Variants in ACADL observed in about 807,000 individuals in gnomAD.
ACADL encodes long-chain specific acyl-CoA dehydrogenase, mitochondrial.
A neutral mutation model predicts 56.9 loss-of-function variants in ACADL; 60 were observed. That is an observed-to-expected ratio of 1.05 (90% confidence interval 0.86 to 1.31). The LOEUF is 1.31. Ranked by LOEUF, ACADL falls within the 50% of genes most tolerant of loss-of-function variation. The probability of loss-of-function intolerance (pLI) is 0.00; values close to 1 mark genes in which losing one functional copy is unlikely to be tolerated. For missense variants in ACADL, 484 were observed against 525.5 expected, an observed-to-expected ratio of 0.92 and a Z score of 0.77; for synonymous variants, 158 against 179.7, an observed-to-expected ratio of 0.88 and a Z score of 0.97.
At chr2:210,192,983 T>A (rs1024606423) in intron 9 of ACADL, 93 bp from the exon 10 acceptor site, 9 of 935,450 alleles carry the variant, frequency 9.6e-6, no homozygotes, top group Non-Finnish European at 1.5e-5. Flanking sequence ...TTACAATTGT[T>A]TAAATGTGCA....
chr2:210,194,878 C>T (rs1434854850), intron 9 of ACADL, among the ~76,000 whole-genome samples: 1 of 152,144 alleles, frequency 6.6e-6, no homozygotes, highest in Non-Finnish European at 1.5e-5. Context: ...TGAAATTAAA[C>T]TATTACTTGA....
intron 8 of ACADL, among the ~76,000 whole-genome samples, chr2:210,200,850 A>T (rs1410279332): frequency 6.6e-6 from 1 of 152,204 alleles, no homozygotes; most frequent in African/African-American, 2.4e-5. Flanking sequence ...GGAGCAAGGC[A>T]TTATGTAAGG....
At chr2:210,199,384 G>A (rs528300772) in intron 8 of ACADL, among the ~76,000 whole-genome samples, 2 of 152,134 alleles carry the variant, frequency 1.3e-5, no homozygotes, top group East Asian at 3.9e-4. Flanking sequence ...TGAAAGTTTA[G>A]GGAACTAACT....
rs775016696 is a variant in ACADL, at chr2:210,189,058, G to A, written c.1200-4C>T. The A allele has an allele frequency of 6.3e-6, 10 of 1,589,086 alleles. No homozygotes were observed. The highest frequency in any genetic ancestry group is 8.6e-6 in the Non-Finnish European group (10 of 1,157,574). ...AACTCTGGCATCCACATAAGCTCTG[G>A]ATAAATCAGATGATTGAATGAATAA... On this transcript the variant is annotated splice_polypyrimidine_tract_variant and splice_region_variant and intron_variant, in intron 10 of 10. Coordinates refer to ENST00000233710, the MANE Select transcript of ACADL (RefSeq NM_001608.4).
At chr2:210,196,881 C>T (rs548022768) in intron 8 of ACADL, among the ~76,000 whole-genome samples, 1 of 152,316 alleles carries the variant, frequency 6.6e-6, no homozygotes, top group Non-Finnish European at 1.5e-5. Context: ...CTAGGTACTA[C>T]CAAGTCCAAA....
intron 1 of ACADL, chr2:210,224,574 T>G: frequency 1.0e-6 from 1 of 985,454 alleles, no homozygotes; most frequent in African/African-American, 1.7e-5. Context: ...AGACTCTGTC[T>G]TCATTAATCC....
At chr2:210,207,070 G>A in intron 5 of ACADL, among the ~76,000 whole-genome samples, 1 of 152,054 alleles carries the variant, frequency 6.6e-6, no homozygotes, top group East Asian at 1.9e-4. Flanking sequence ...ATTCAATTCA[G>A]CATCTAGTTT....
chr2:210,192,800 T>C lies in ACADL; in HGVS notation c.1199+4A>G. 1 of 1,608,156 alleles carries C rather than the reference T, an allele frequency of 6.2e-7. No individual in the cohort carries two copies. Among genetic ancestry groups the C allele is most frequent in the Admixed American group, 1.7e-5 (1 of 60,008 alleles). ...AGAAGAGTGTATCAGAAAACTATAC[T>C]TACTTTGCAATTGGGTACTCCCACA... is the stretch of plus-strand genomic sequence containing the variant. On this transcript the variant is annotated splice_donor_region_variant and intron_variant, in intron 10 of 10. Transcript: ENST00000233710.
chr2:210,201,280 C>T (rs1270904265), intron 8 of ACADL, among the ~76,000 whole-genome samples: 1 of 152,150 alleles, frequency 6.6e-6, no homozygotes, highest in African/African-American at 2.4e-5. Context: ...CTGCCCTACT[C>T]AATCTACAAT....
At chr2:210,222,153 A>T (rs903511271) in intron 1 of ACADL, among the ~76,000 whole-genome samples, 1 of 152,164 alleles carries the variant, frequency 6.6e-6, no homozygotes, top group Non-Finnish European at 1.5e-5. Context: ...GTAACTTGGG[A>T]TACAATAACG....
intron 8 of ACADL, among the ~76,000 whole-genome samples, chr2:210,200,317 A>G (rs185217288): frequency 7.2e-4 from 109 of 152,268 alleles, no homozygotes; most frequent in African/African-American, 2.5e-3. Flanking sequence ...GTTTTTCTCA[A>G]TGGGAAATTA....
intron 3 of ACADL, chr2:210,216,740 A>G (rs1437754164): frequency 2.1e-6 from 1 of 478,196 alleles, no homozygotes; most frequent in African/African-American, 2.0e-5. Flanking sequence ...TATTTAATTG[A>G]GAGATAAAAT....
chr2:210,193,762 C>G (rs1360801434), intron 9 of ACADL, among the ~76,000 whole-genome samples: 1 of 151,954 alleles, frequency 6.6e-6, no homozygotes, highest in Admixed American at 6.6e-5. Context: ...GTCTTGAACT[C>G]CAGGGCTCAA....
rs759975624 is a variant in ACADL at position 210,203,347 on chromosome 2, G to GT, written c.967dup (p.Thr323AsnfsTer11). ...CAAGCTTACCTGTAGGTGAGCAACT[G>GT]TTTTGCCAAAAGCTTTTCTTTGTTT... is the stretch of plus-strand genomic sequence containing the variant. On this transcript the variant is annotated frameshift_variant, in exon 8 of 11. Coordinates refer to ENST00000233710, the MANE Select transcript of ACADL (RefSeq NM_001608.4). LOFTEE classifies it high-confidence loss of function. The GT allele has an allele frequency of 1.2e-6, 2 of 1,612,756 alleles. No homozygotes were observed. Among genetic ancestry groups the GT allele is most frequent in the African/African-American group, 2.7e-5 (2 of 74,900 alleles).
At chr2:210,210,330 T>C in intron 4 of ACADL, 68 bp from the exon 5 acceptor site, 1 of 1,190,126 alleles carries the variant, frequency 8.4e-7, no homozygotes, top group Non-Finnish European at 1.2e-6. Flanking sequence ...ATGATATAAG[T>C]ATGTATGTAA....
intron 5 of ACADL, among the ~76,000 whole-genome samples, chr2:210,207,351 G>A (rs1688902529): frequency 6.6e-6 from 1 of 152,100 alleles, no homozygotes; most frequent in African/African-American, 2.4e-5. Context: ...ACTGGCACTA[G>A]CTTACCTCTC....
chr2:210,204,061 T>C (rs563184824), intron 7 of ACADL, among the ~76,000 whole-genome samples: 74 of 152,314 alleles, frequency 4.9e-4, no homozygotes, highest in East Asian at 1.7e-3. Context: ...CTGGTGTTTT[T>C]CATGGCAGTC....
At chr2:210,210,120 A>C (rs962725815) in intron 5 of ACADL, 76 bp downstream of exon 5, 12 of 1,102,464 alleles carry the variant, frequency 1.1e-5, no homozygotes, top group Admixed American at 1.0e-4. Context: ...AATAGAATTA[A>C]TGAGTTGTCT....
At chr2:210,212,025 G>A (rs1403807082) in intron 4 of ACADL, among the ~76,000 whole-genome samples, 1 of 151,884 alleles carries the variant, frequency 6.6e-6, no homozygotes, top group African/African-American at 2.4e-5. Flanking sequence ...TAGAGACATG[G>A]TTTCACCATG....
Sources: allele counts gnomAD v4.1 joint callset (sites outside exome capture counted in the v4.1 genomes callset), GRCh38; gene constraint gnomAD v4.1.1; transcripts MANE v1.5; gene names NCBI Gene and HGNC (gene_info 2026-07-23, HGNC 2026-07-21).